Variants in LYZL2 observed in about 807,000 individuals in gnomAD.
LYZL2 encodes the protein lysozyme like 2, also known as lysozyme-like protein 2.
LYZL2 carries 13 observed loss-of-function variants against 17.1 expected under a neutral mutation model. The observed-to-expected ratio is 0.76, with a 90% CI of 0.49 to 1.21. LYZL2 has a LOEUF of 1.21. Among genes scored for constraint, LYZL2 ranks in the 50% most tolerant of loss-of-function variants. The pLI, the probability that LYZL2 is intolerant of heterozygous loss-of-function variation, is 0.00. For synonymous variants in LYZL2, 63 were observed against 74.4 expected (o/e 0.85, Z 0.79); for missense variants, 166 against 189.2 (o/e 0.88, Z 0.72).
downstream of LYZL2, among the ~76,000 whole-genome samples, chr10:30,610,400 G>A (rs944243288): frequency 1.4e-4 from 21 of 152,158 alleles, no homozygotes; most frequent in African/African-American, 5.1e-4. Flanking sequence ...GCGGGGACAT[G>A]GATGAACCTG....
downstream of LYZL2, among the ~76,000 whole-genome samples, chr10:30,609,097 C>T (rs1838404997): frequency 6.6e-6 from 1 of 152,204 alleles, no homozygotes; most frequent in African/African-American, 2.4e-5. Context: ...CCTTGGCATC[C>T]TACAGTGTTA....
At chr10:30,627,301 C>T (rs1452926976) in intron 1 of LYZL2, among the ~76,000 whole-genome samples, 2 of 151,908 alleles carry the variant, frequency 1.3e-5, no homozygotes, top group Non-Finnish European at 2.9e-5. Context: ...CCCTATACTG[C>T]TGACCCTTGA....
downstream of LYZL2, among the ~76,000 whole-genome samples, chr10:30,608,800 C>T (rs1197355843): frequency 6.6e-6 from 1 of 152,168 alleles, no homozygotes; most frequent in Non-Finnish European, 1.5e-5. Context: ...TGTGATTCCA[C>T]ATGTGTCCAG....
Position 30,611,990 on chromosome 10 carries a change from G to T in LYZL2, c.412C>A (p.Leu138Met). 6.2e-7 allele frequency: 1 copy of T among 1,614,174 alleles called. No individual in the cohort carries two copies. The highest frequency in any genetic ancestry group is 2.2e-5 in the East Asian group (1 of 44,884). ...TCACAGTCTTTTTTCCAGTCGGACA[G>T]GTCTCTCCCCTCACAGTGTTTCTTC... is the stretch of plus-strand genomic sequence containing the variant. The part of the protein sequence containing the change: ...GWKKHCEGRD[L>M]SDWKKDCEVS Residue 138 changes from leucine (L) to methionine (M), a missense_variant, in exon 5 of 5, where the codon CTG becomes ATG. Leu to Met is a conservative substitution (Grantham distance 15, BLOSUM62 2). Around this residue, in one of 2 missense-constraint regions of LYZL2, gnomAD observed 134 missense variants for 129.4 expected, o/e 1.04. Transcript: ENST00000647634.
rs537994196 is a variant in LYZL2 at position 30,613,224 on chromosome 10, C to G, written c.299-324G>C. The stretch of plus-strand genomic sequence containing the variant: ...CCTACAGAAATAGGCACAGGCCGGG[C>G]GTGGTGGCTGACCTGCAATCCCAGT... On this transcript the variant is annotated intron_variant, in intron 3 of 4. Transcript: ENST00000647634. Among the ~76,000 whole-genome samples the G allele has an allele frequency of 1.4e-4, 21 of 152,250 alleles. No homozygotes were observed. The East Asian group carries it at 3.9e-3, about 28-fold the overall frequency.
At chr10:30,607,021 C>T (rs1254164379), downstream of LYZL2, among the ~76,000 whole-genome samples, 4 of 151,256 alleles carry the variant, frequency 2.6e-5, no homozygotes, top group Non-Finnish European at 4.4e-5. Flanking sequence ...AGCAATTCTC[C>T]TGCCTCAGCC....
At chr10:30,626,746 C>G in intron 2 of LYZL2, 31 bp downstream of exon 2, 3 of 1,613,620 alleles carry the variant, frequency 1.9e-6, no homozygotes, top group Non-Finnish European at 1.7e-6. Context: ...AGGTCAAGGA[C>G]AGAAAGAGAG....
At chr10:30,613,970 A>G (rs1838489312) in intron 3 of LYZL2, among the ~76,000 whole-genome samples, 1 of 152,172 alleles carries the variant, frequency 6.6e-6, no homozygotes, top group South Asian at 2.1e-4. Context: ...TTGGCCTCCC[A>G]AAGTGCTGGG....
chr10:30,626,716 C>A, intron 2 of LYZL2, 61 bp downstream of exon 2: 2 of 1,604,120 alleles, frequency 1.2e-6, no homozygotes, highest in Non-Finnish European at 1.7e-6. Flanking sequence ...GTAGCCAGGA[C>A]CTTCAACATC....
chr10:30,607,279 T>C (rs1415075447), downstream of LYZL2, among the ~76,000 whole-genome samples: 1 of 152,046 alleles, frequency 6.6e-6, no homozygotes, highest in Non-Finnish European at 1.5e-5. Context: ...ATTATTGTTA[T>C]GAACAGAGCC....
intron 1 of LYZL2, among the ~76,000 whole-genome samples, chr10:30,628,801 A>T (rs367678295): frequency 1.3e-5 from 2 of 152,172 alleles, no homozygotes; most frequent in African/African-American, 4.8e-5. Context: ...AAGCAATAAG[A>T]TAAGGAACTG....
chr10:30,614,984 TG>T (rs1838504203), intron 3 of LYZL2, among the ~76,000 whole-genome samples: 1 of 152,250 alleles, frequency 6.6e-6, no homozygotes, highest in Admixed American at 6.5e-5. Flanking sequence ...AATAAAGAGC[TG>T]TTTGAATTAT....
rs1838775682 is a variant in LYZL2 at position 30,629,639 on chromosome 10, T to C, written c.-72A>G. The C allele has an allele frequency of 6.2e-7, 1 of 1,614,132 alleles. No homozygotes were observed. Among genetic ancestry groups the C allele is most frequent in the Non-Finnish European group, 8.5e-7 (1 of 1,180,034 alleles). Reference sequence around the variant, plus strand: ...CCTGCCGCAGAGGCTGACTTCTCAGTTGAGTCTGCGGAAGAAACACTGCTC... The same window carrying C: ...CCTGCCGCAGAGGCTGACTTCTCAGCTGAGTCTGCGGAAGAAACACTGCTC... On this transcript the variant is annotated 5_prime_UTR_variant, in exon 1 of 5. Coordinates refer to ENST00000647634, the MANE Select transcript of LYZL2 (RefSeq NM_183058.3).
downstream of LYZL2, among the ~76,000 whole-genome samples, chr10:30,611,558 GGAAGGAAGGAAGGAAAGAAA>G (rs1415482790): frequency 4.8e-4 from 36 of 75,300 alleles, no homozygotes; most frequent in East Asian, 5.7e-3. Context: ...AAGGAAGGAA[GGAAGGAAGGAAGGAAAGAAA>G]GAAAGAAAGA....
intron 3 of LYZL2, among the ~76,000 whole-genome samples, chr10:30,616,941 G>C (rs1838537147): frequency 1.4e-5 from 2 of 140,422 alleles, no homozygotes; most frequent in African/African-American, 5.4e-5. Context: ...TTACCTATGA[G>C]ATTATCCAAA....
downstream of LYZL2, among the ~76,000 whole-genome samples, chr10:30,608,945 C>A (rs1336050245): frequency 6.6e-6 from 1 of 151,978 alleles, no homozygotes; most frequent in Non-Finnish European, 1.5e-5. Context: ...GCTCAAGCGA[C>A]CCTCCCACCT....
Position 30,626,844 on chromosome 10 carries a change from A to G in LYZL2, c.72T>C (p.Arg24=). The change falls in exon 2 of 5, where the codon CGT becomes CGC. Residue 24 remains arginine, a synonymous_variant. Coordinates refer to ENST00000647634, the MANE Select transcript of LYZL2 (RefSeq NM_183058.3). The part of the protein sequence containing the change: ...VTGAESKIYT[R]CKLAKIFSRA... ...TCGAGAATATTTTTGCCAGTTTGCAACGAGTGTAGATTTTGGACTCGGCGC... is the reference window on the plus strand; with the variant it reads ...TCGAGAATATTTTTGCCAGTTTGCAGCGAGTGTAGATTTTGGACTCGGCGC... The G allele has an allele frequency of 1.2e-6, 2 of 1,614,258 alleles. No homozygotes were observed. Among genetic ancestry groups the G allele is most frequent in the Non-Finnish European group, 8.5e-7 (1 of 1,180,048 alleles).
intron 3 of LYZL2, among the ~76,000 whole-genome samples, chr10:30,618,938 G>T (rs1838576851): frequency 6.6e-6 from 1 of 152,146 alleles, no homozygotes; most frequent in African/African-American, 2.4e-5. Flanking sequence ...CTGACAAAAG[G>T]CTAATATCCA....
chr10:30,628,545 C>T (rs914978113), intron 1 of LYZL2, among the ~76,000 whole-genome samples: 9 of 152,308 alleles, frequency 5.9e-5, no homozygotes, highest in East Asian at 3.9e-4. Flanking sequence ...ATGTCTTCCC[C>T]AAACACAACA....
Sources: gnomAD v4.1 joint callset for allele counts (sites outside exome capture counted in the v4.1 genomes callset) on GRCh38, gnomAD v4.1.1 for gene constraint, gnomAD v4.1.1 regional missense constraint, MANE v1.5 for transcripts, NCBI Gene and HGNC (gene_info 2026-07-23, HGNC 2026-07-21) for gene names.